MAST2: variants seen among roughly 807,000 people sequenced by gnomAD.
MAST2 encodes the protein microtubule associated serine/threonine kinase 2.
A neutral mutation model predicts 147.4 loss-of-function variants in MAST2; 70 were observed. That is an observed-to-expected ratio of 0.47 (90% CI 0.39 to 0.58). The LOEUF (loss-of-function observed/expected upper bound fraction) is 0.58. Ranked by LOEUF, MAST2 falls within the 20% of genes least tolerant of loss-of-function variation. The probability of loss-of-function intolerance (pLI) is 0.00; values close to 1 mark genes in which losing one functional copy is unlikely to be tolerated. For synonymous variants in MAST2, 869 were observed against 896.8 expected (o/e 0.97, Z 0.55); for missense variants, 2,080 against 2,302.3 (o/e 0.90, Z 1.98).
intron 4 of MAST2, among the ~76,000 whole-genome samples, chr1:45,906,367 A>C (rs1261695821): frequency 6.6e-6 from 1 of 152,070 alleles, no homozygotes; most frequent in Non-Finnish European, 1.5e-5. Context: ...AAAACATTTA[A>C]AAAGAAATAA....
At chr1:46,030,094 G>T in intron 20 of MAST2, 35 bp from the exon 21 acceptor site, 1 of 1,610,178 alleles carries the variant, frequency 6.2e-7, no homozygotes, top group East Asian at 2.2e-5. Context: ...CACCAGCAGG[G>T]CTCTGAAGGA....
intron 4 of MAST2, among the ~76,000 whole-genome samples, chr1:45,907,003 G>A (rs916848820): frequency 1.3e-5 from 2 of 151,974 alleles, no homozygotes; most frequent in East Asian, 1.9e-4. Context: ...ACAGGTTTGC[G>A]GCCTGGAAGC....
At position 45,829,465 on chromosome 1, in the gene MAST2, A is replaced by G. The variant is rs1644887651; in HGVS notation, c.352A>G (p.Ser118Gly). The G allele has an allele frequency of 2.5e-6, 4 of 1,613,930 alleles. No homozygotes were observed. In the African/African-American group the frequency reaches 4.0e-5, roughly 16 times the overall value. ...SGKQLLPLSSSVHSSVGQVTW... is the reference protein window; with the variant it reads ...SGKQLLPLSSGVHSSVGQVTW... The stretch of plus-strand genomic sequence containing the variant: ...TAAGCAGCTGCTCCCTTTGTCCAGC[A>G]GTGTACATAGCAGTGTGGGACAGGT... The change falls in exon 3 of 29, where the codon AGT becomes GGT. Residue 118 changes from serine (S) to glycine (G), a missense_variant. Ser to Gly is a moderately conservative substitution (Grantham distance 56, BLOSUM62 0). Transcript: ENST00000361297.
chr1:45,944,418 A>C (rs1425741380), intron 4 of MAST2, among the ~76,000 whole-genome samples: 2 of 152,194 alleles, frequency 1.3e-5, no homozygotes, highest in Non-Finnish European at 2.9e-5. Flanking sequence ...TTCAGTGTCA[A>C]ATTAATACAA....
intron 3 of MAST2, 129 bp downstream of exon 3, chr1:45,829,710 G>A: frequency 1.0e-6 from 1 of 991,634 alleles, no homozygotes; most frequent in Admixed American, 2.6e-5. Flanking sequence ...GTATGGAAGA[G>A]AATGAATTTA....
chr1:45,933,545 G>T (rs1345341461), intron 4 of MAST2, among the ~76,000 whole-genome samples: 3 of 148,680 alleles, frequency 2.0e-5, no homozygotes, highest in Non-Finnish European at 4.4e-5. Context: ...TTTGAGACCA[G>T]CCTGGCTGAC....
At position 46,006,315 on chromosome 1, in the gene MAST2, G is replaced by A. The variant is rs766120085; in HGVS notation, c.822G>A (p.Thr274=). 20 of 1,613,790 alleles carry A rather than the reference G, an allele frequency of 1.2e-5. 1 individual carries two copies. In the Middle Eastern group the frequency reaches 8.2e-4, roughly 66 times the overall value. ...QPTADELHFL[T]KHFSTESVPD... ...CAGCTGATGAGCTGCACTTTTTGAC[G>A]AAGCATTTCAGCACAGAGAGCGTAC... The change falls in exon 8 of 29, where the codon ACG becomes ACA. Residue 274 remains threonine, a synonymous_variant. Coordinates refer to ENST00000361297, the MANE Select transcript of MAST2 (RefSeq NM_015112.3).
intron 4 of MAST2, among the ~76,000 whole-genome samples, chr1:45,883,705 G>A (rs1646942963): frequency 6.6e-6 from 1 of 151,244 alleles, no homozygotes. Flanking sequence ...TTATTTAAGA[G>A]GCACATTTTA....
At chr1:46,009,675 C>T (rs887543218) in intron 9 of MAST2, among the ~76,000 whole-genome samples, 4 of 152,182 alleles carry the variant, frequency 2.6e-5, no homozygotes, top group Admixed American at 2.0e-4. Flanking sequence ...TGTTTATAGG[C>T]ATGTTTCCAG....
At chr1:45,806,572 T>A (rs1018747547) in intron 1 of MAST2, among the ~76,000 whole-genome samples, 13 of 152,074 alleles carry the variant, frequency 8.5e-5, no homozygotes, top group African/African-American at 3.1e-4. Flanking sequence ...GCTAATTTTT[T>A]AATTTCTTTT....
intron 3 of MAST2, among the ~76,000 whole-genome samples, chr1:45,845,677 C>T (rs1645408742): frequency 1.3e-5 from 2 of 152,202 alleles, no homozygotes; most frequent in African/African-American, 2.4e-5. Context: ...CTTTAGTTCT[C>T]TCTCCACAAA....
At chr1:46,027,643 C>T (rs1277597665) in intron 16 of MAST2, 88 bp from the exon 17 acceptor site, 2 of 1,427,996 alleles carry the variant, frequency 1.4e-6, no homozygotes, top group Non-Finnish European at 1.9e-6. Flanking sequence ...CCCATGGAAG[C>T]CTGAGTGGGG....
chr1:45,924,104 A>G (rs1184577156), intron 4 of MAST2, among the ~76,000 whole-genome samples: 1 of 152,102 alleles, frequency 6.6e-6, no homozygotes, highest in African/African-American at 2.4e-5. Flanking sequence ...ACTCCTGACA[A>G]GTGACCTGCC....
At chr1:45,922,247 C>T (rs951771055) in intron 4 of MAST2, among the ~76,000 whole-genome samples, 6 of 152,208 alleles carry the variant, frequency 3.9e-5, no homozygotes, top group African/African-American at 1.4e-4. Flanking sequence ...CCACAAGTTG[C>T]CCTTGCGGTT....
chr1:46,014,492 A>G (rs1246034110), intron 10 of MAST2, among the ~76,000 whole-genome samples: 3 of 151,856 alleles, frequency 2.0e-5, no homozygotes, highest in South Asian at 2.1e-4. Context: ...ATGTCCCTAC[A>G]AAGGACATGA....
chr1:45,967,393 C>G (rs973674197), intron 5 of MAST2, among the ~76,000 whole-genome samples: 1 of 151,924 alleles, frequency 6.6e-6, no homozygotes, highest in African/African-American at 2.4e-5. Context: ...TTGACTGCCC[C>G]GAAATTTAAC....
intron 3 of MAST2, among the ~76,000 whole-genome samples, chr1:45,844,438 A>G (rs1346966443): frequency 6.6e-6 from 1 of 152,056 alleles, no homozygotes; most frequent in Non-Finnish European, 1.5e-5. Context: ...GCCTGCCACC[A>G]TGCCCAGCTA....
intron 4 of MAST2, among the ~76,000 whole-genome samples, chr1:45,952,974 T>A (rs1328760320): frequency 1.3e-5 from 2 of 152,214 alleles, no homozygotes; most frequent in Admixed American, 1.3e-4. Context: ...TAATAATTAC[T>A]AATTTGGCAA....
At chr1:45,991,350 T>C (rs190989222) in intron 5 of MAST2, among the ~76,000 whole-genome samples, 2 of 152,318 alleles carry the variant, frequency 1.3e-5, no homozygotes, top group East Asian at 1.9e-4. Context: ...TCTTCAGTAT[T>C]GTATTGGTTG....
Sources: gnomAD v4.1 joint callset for allele counts (sites outside exome capture counted in the v4.1 genomes callset) on GRCh38, gnomAD v4.1.1 for gene constraint, MANE v1.5 for transcripts, NCBI Gene and HGNC (gene_info 2026-07-23, HGNC 2026-07-21) for gene names.